ALG9: variants seen among roughly 807,000 people sequenced by gnomAD.
ALG9 encodes alpha-1,2-mannosyltransferase ALG9.
In ALG9, 55 loss-of-function variants were observed where a neutral mutation model predicts 81.8. The ratio of observed to expected loss-of-function variants is 0.67; its 90% confidence interval spans 0.54 to 0.84. The LOEUF is 0.84. ALG9 is among the 40% of genes least tolerant of loss of function. The pLI is 0.00. For missense variants in ALG9, 629 were observed against 745.0 expected (o/e 0.84, Z 1.81); for synonymous variants, 278 against 274.3 (o/e 1.01, Z -0.13).
the ALG9 span, among the ~76,000 whole-genome samples, chr11:111,776,199 A>T: frequency 6.6e-6 from 1 of 152,154 alleles, no homozygotes; most frequent in African/African-American, 2.4e-5. Context: ...AATAAATAAA[A>T]ATAAAAATCT....
intron 3 of ALG9, among the ~76,000 whole-genome samples, chr11:111,865,685 T>C (rs1197052223): frequency 3.9e-5 from 6 of 152,196 alleles, no homozygotes. Context: ...CAGGTAGTGA[T>C]TATGACAAAA....
At chr11:111,854,596 T>C (rs1433914469) in intron 6 of ALG9, among the ~76,000 whole-genome samples, 1 of 152,182 alleles carries the variant, frequency 6.6e-6, no homozygotes, top group Non-Finnish European at 1.5e-5. Context: ...TATGGCATCA[T>C]CATCTCTATC....
At chr11:111,811,453 G>A (rs1195072104) in intron 13 of ALG9, among the ~76,000 whole-genome samples, 7 of 148,844 alleles carry the variant, frequency 4.7e-5, no homozygotes, top group African/African-American at 1.7e-4. Flanking sequence ...TGAGGCAGGA[G>A]AATTGTTTGA....
chr11:111,853,581 T>A, intron 7 of ALG9, 68 bp downstream of exon 7: 1 of 1,567,818 alleles, frequency 6.4e-7, no homozygotes, highest in Non-Finnish European at 8.8e-7. Context: ...CTCCTGATGT[T>A]CCTTTTTTCA....
chr11:111,869,051 A>G (rs1963433165), intron 2 of ALG9, among the ~76,000 whole-genome samples: 1 of 152,156 alleles, frequency 6.6e-6, no homozygotes, highest in African/African-American at 2.4e-5. Flanking sequence ...GAGCCTGGGA[A>G]TTAGAGGTTG....
At chr11:111,794,000 C>A (rs1213459334) in intron 14 of ALG9, among the ~76,000 whole-genome samples, 1 of 152,208 alleles carries the variant, frequency 6.6e-6, no homozygotes, top group African/African-American at 2.4e-5. Context: ...GAAATACTTC[C>A]CCTCCCAGTG....
chr11:111,851,865 C>A (rs1957882643), intron 8 of ALG9, among the ~76,000 whole-genome samples: 3 of 152,220 alleles, frequency 2.0e-5, no homozygotes, highest in Admixed American at 2.0e-4. Context: ...CCTTTTCTCA[C>A]ACCCCTGGGG....
intron 14 of ALG9, among the ~76,000 whole-genome samples, chr11:111,798,675 T>C (rs1048023643): frequency 3.9e-5 from 6 of 152,238 alleles, no homozygotes; most frequent in African/African-American, 9.7e-5. Flanking sequence ...AAAAGTGATA[T>C]TGTCAAATAG....
intron 5 of ALG9, chr11:111,858,093 C>T: frequency 3.0e-6 from 1 of 337,774 alleles, no homozygotes; most frequent in Admixed American, 4.1e-5. Flanking sequence ...CGTGCCACCA[C>T]ACCCAGCTAA....
chr11:111,817,334 T>C (rs1257179858), intron 13 of ALG9: 1 of 152,232 alleles, frequency 6.6e-6, no homozygotes, highest in Non-Finnish European at 1.5e-5. Context: ...TACTGTAATA[T>C]TCAGTTGTGA....
In ALG9 at chr11:111,786,391, G is replaced by A. The variant is rs1252269085; in HGVS notation, c.*6C>T. On this transcript the variant is annotated 3_prime_UTR_variant, in exon 15 of 15. Transcript: ENST00000616540. ...ATGGTTGTCCTTTGGGGCCACAGGT[G>A]TGTTGCTAACCTCCACTTTTCTTCC... is the stretch of plus-strand genomic sequence containing the variant. 6.2e-7 allele frequency: 1 copy of A among 1,613,980 alleles called. No homozygotes were observed. Among genetic ancestry groups the A allele is most frequent in the African/African-American group, 1.3e-5 (1 of 75,036 alleles).
At chr11:111,838,508 A>G in intron 10 of ALG9, 109 bp from the exon 11 acceptor site, 1 of 967,726 alleles carries the variant, frequency 1.0e-6, no homozygotes, top group Non-Finnish European at 1.5e-6. Context: ...AGCATTTGCC[A>G]ACAGTGAGGT....
chr11:111,831,951 C>T (rs1269752103), intron 13 of ALG9, among the ~76,000 whole-genome samples: 2 of 152,176 alleles, frequency 1.3e-5, no homozygotes, highest in African/African-American at 2.4e-5. Context: ...ATTTAATTCA[C>T]AGGAAACACT....
At chr11:111,779,369 G>A (rs1436302891), downstream of ALG9, among the ~76,000 whole-genome samples, 1 of 151,950 alleles carries the variant, frequency 6.6e-6, no homozygotes, top group Non-Finnish European at 1.5e-5. Context: ...CTCTTGTAAG[G>A]CGAGTATGCC....
intron 8 of ALG9, among the ~76,000 whole-genome samples, chr11:111,846,579 A>G (rs914451090): frequency 1.2e-4 from 18 of 152,222 alleles, no homozygotes; most frequent in Admixed American, 3.3e-4. Flanking sequence ...GAGCTCATAA[A>G]TCAAGTTTCC....
chr11:111,810,660 G>A (rs1318919780), intron 13 of ALG9, among the ~76,000 whole-genome samples: 7 of 152,210 alleles, frequency 4.6e-5, no homozygotes, highest in African/African-American at 1.2e-4. Flanking sequence ...GGAGGCTGAG[G>A]TGGGAGGATC....
At chr11:111,842,708 G>A (rs1956408833) in intron 9 of ALG9, among the ~76,000 whole-genome samples, 1 of 151,960 alleles carries the variant, frequency 6.6e-6, no homozygotes, top group African/African-American at 2.4e-5. Context: ...ATAGGCATGA[G>A]CCACTGTGCC....
chr11:111,832,078 C>T (rs1432651864), intron 13 of ALG9, among the ~76,000 whole-genome samples: 1 of 152,154 alleles, frequency 6.6e-6, no homozygotes, highest in Non-Finnish European at 1.5e-5. Flanking sequence ...AAGCCACATC[C>T]ACCCATTCAC....
intron 14 of ALG9, among the ~76,000 whole-genome samples, chr11:111,796,964 T>C (rs1435029328): frequency 6.6e-6 from 1 of 152,218 alleles, no homozygotes. Context: ...TCCTTCCATC[T>C]GGGTAATAAG....
Sources: allele counts gnomAD v4.1 joint callset (sites outside exome capture counted in the v4.1 genomes callset), GRCh38; gene constraint gnomAD v4.1.1; transcripts MANE v1.5; gene names NCBI Gene and HGNC (gene_info 2026-07-23, HGNC 2026-07-21).